PDE7B: variants seen among roughly 807,000 people sequenced by gnomAD.
PDE7B encodes 3',5'-cyclic-AMP phosphodiesterase 7B.
In PDE7B, 29 loss-of-function variants were observed where a neutral mutation model predicts 56.2. The ratio of observed to expected loss-of-function variants is 0.52; its 90% CI spans 0.38 to 0.70. The LOEUF is 0.70. Among genes scored for constraint, PDE7B ranks in the 30% least tolerant of loss-of-function variants. The pLI is 0.00. For synonymous variants in PDE7B, 197 were observed against 196.9 expected (o/e 1.00, Z 0.00); for missense variants, 490 against 565.0 (o/e 0.87, Z 1.35).
chr6:136,132,205 C>T (rs1484768927), intron 3 of PDE7B, among the ~76,000 whole-genome samples: 2 of 152,086 alleles, frequency 1.3e-5, no homozygotes, highest in Non-Finnish European at 2.9e-5. Flanking sequence ...TTTCCACTTC[C>T]CCCAGCCCCT....
intron 2 of PDE7B, among the ~76,000 whole-genome samples, chr6:136,085,050 T>C (rs1327716740): frequency 6.6e-6 from 1 of 152,156 alleles, no homozygotes; most frequent in African/African-American, 2.4e-5. Flanking sequence ...GCAGGAGAGC[T>C]GGGTGGAATG....
intron 9 of PDE7B, among the ~76,000 whole-genome samples, chr6:136,175,164 A>G (rs1394568550): frequency 1.3e-5 from 2 of 152,240 alleles, no homozygotes; most frequent in Non-Finnish European, 2.9e-5. Flanking sequence ...ATTCCAATGA[A>G]AAATATATTT....
intron 2 of PDE7B, among the ~76,000 whole-genome samples, chr6:136,102,140 G>A (rs1213173341): frequency 1.3e-5 from 2 of 152,132 alleles, no homozygotes; most frequent in Non-Finnish European, 2.9e-5. Context: ...GGACAGTGGG[G>A]ATGATACACA....
At chr6:135,896,716 C>T (rs1273130904) in intron 1 of PDE7B, among the ~76,000 whole-genome samples, 1 of 152,054 alleles carries the variant, frequency 6.6e-6, no homozygotes, top group Non-Finnish European at 1.5e-5. Context: ...GAGAATCAAA[C>T]CAAATCAGTC....
chr6:136,128,057 T>C (rs1778050908), intron 3 of PDE7B, among the ~76,000 whole-genome samples: 1 of 152,220 alleles, frequency 6.6e-6, no homozygotes, highest in Admixed American at 6.5e-5. Context: ...GAGGGCAGAC[T>C]GCCACTTGTC....
At chr6:136,046,352 A>G (rs1368357670) in intron 2 of PDE7B, 1 of 152,240 alleles carries the variant, frequency 6.6e-6, no homozygotes, top group African/African-American at 2.4e-5. Context: ...TTCTTCAACC[A>G]AGAAAATTAT....
intron 2 of PDE7B, among the ~76,000 whole-genome samples, chr6:135,989,677 G>A (rs1775446906): frequency 6.6e-6 from 1 of 151,840 alleles, no homozygotes; most frequent in South Asian, 2.1e-4. Context: ...TTATTTTCAG[G>A]GAAATATTAA....
At chr6:136,001,309 G>C (rs1341551633) in intron 2 of PDE7B, among the ~76,000 whole-genome samples, 2 of 152,184 alleles carry the variant, frequency 1.3e-5, no homozygotes, top group Non-Finnish European at 2.9e-5. Flanking sequence ...TCCTCCAAAG[G>C]AACGCAGTTC....
chr6:136,088,351 C>A (rs1777327076), intron 2 of PDE7B, among the ~76,000 whole-genome samples: 1 of 152,174 alleles, frequency 6.6e-6, no homozygotes, highest in African/African-American at 2.4e-5. Flanking sequence ...ATATTATAGA[C>A]AACTTCTGCA....
chr6:136,065,080 A>G (rs903408063), intron 2 of PDE7B, among the ~76,000 whole-genome samples: 1 of 152,246 alleles, frequency 6.6e-6, no homozygotes, highest in African/African-American at 2.4e-5. Flanking sequence ...CTAAAAGTCA[A>G]GGAAGAGACA....
intron 2 of PDE7B, among the ~76,000 whole-genome samples, chr6:135,998,274 G>A (rs1274580915): frequency 1.3e-5 from 2 of 152,076 alleles, no homozygotes; most frequent in East Asian, 3.8e-4. Flanking sequence ...CAGTTTTCTG[G>A]ATAGTTTTTT....
At chr6:136,112,486 TACTC>T (rs1399678251) in intron 3 of PDE7B, 1 of 152,248 alleles carries the variant, frequency 6.6e-6, no homozygotes. Context: ...AACCCCAAAA[TACTC>T]ACCCTATGGC....
intron 1 of PDE7B, among the ~76,000 whole-genome samples, chr6:135,901,630 T>C (rs562143820): frequency 2.2e-4 from 34 of 152,174 alleles, no homozygotes; most frequent in African/African-American, 8.2e-4. Flanking sequence ...CAAGTCAAGC[T>C]CCAAATTGAC....
At chr6:136,117,918 C>T (rs948197036) in intron 3 of PDE7B, among the ~76,000 whole-genome samples, 1 of 152,158 alleles carries the variant, frequency 6.6e-6, no homozygotes, top group Non-Finnish European at 1.5e-5. Flanking sequence ...TAGAGGAGCC[C>T]ACAGAAAGAC....
chr6:136,163,123 G>A (rs1778736791), intron 8 of PDE7B, among the ~76,000 whole-genome samples: 1 of 152,216 alleles, frequency 6.6e-6, no homozygotes, highest in Non-Finnish European at 1.5e-5. Context: ...CTCTGTGTGG[G>A]AGCTCCAATC....
intron 3 of PDE7B, among the ~76,000 whole-genome samples, chr6:136,128,945 G>A (rs1040606993): frequency 6.6e-6 from 1 of 152,102 alleles, no homozygotes; most frequent in Non-Finnish European, 1.5e-5. Flanking sequence ...CCAAGCTTTA[G>A]ACTGTTCCTT....
intron 12 of PDE7B, among the ~76,000 whole-genome samples, chr6:136,187,719 T>C (rs1178330900): frequency 6.6e-6 from 1 of 152,260 alleles, no homozygotes; most frequent in East Asian, 1.9e-4. Context: ...ATTATTGCTT[T>C]ATCTAATTAA....
intron 2 of PDE7B, chr6:136,038,645 G>A: frequency 1.4e-6 from 1 of 705,270 alleles, no homozygotes; most frequent in Non-Finnish European, 2.0e-6. Flanking sequence ...AGGTCTGAGG[G>A]CTGTGACTTC....
intron 2 of PDE7B, among the ~76,000 whole-genome samples, chr6:135,951,561 C>T (rs531596215): frequency 6.6e-6 from 1 of 152,250 alleles, no homozygotes; most frequent in Non-Finnish European, 1.5e-5. Flanking sequence ...AACGATAAAT[C>T]ATGGGAAAAG....
Sources: allele counts gnomAD v4.1 joint callset (sites outside exome capture counted in the v4.1 genomes callset), GRCh38; gene constraint gnomAD v4.1.1; transcripts MANE v1.5; gene names NCBI Gene and HGNC (gene_info 2026-07-23, HGNC 2026-07-21).